The following AKT3 variants were observed in gnomAD, a reference collection of about 807,000 sequenced individuals.
AKT3 encodes RAC-gamma serine/threonine-protein kinase.
In AKT3, 15 loss-of-function variants were observed where a neutral mutation model predicts 65.3. That is an observed-to-expected ratio of 0.23 (90% CI 0.15 to 0.35). The LOEUF (loss-of-function observed/expected upper bound fraction) is 0.35, where lower values mean the gene tolerates loss of function less well. Among genes scored for constraint, AKT3 ranks in the 10% least tolerant of loss-of-function variants. The probability of loss-of-function intolerance (pLI) is 1.00; values close to 1 mark genes in which losing one functional copy is unlikely to be tolerated. For synonymous variants in AKT3, 206 were observed against 183.8 expected (o/e 1.12, Z -0.98); for missense variants, 243 against 576.5 (o/e 0.42, Z 5.92).
chr1:243,721,728 A>G (rs1572228151), intron 2 of AKT3, among the ~76,000 whole-genome samples: 2 of 152,106 alleles, frequency 1.3e-5, no homozygotes, highest in South Asian at 4.1e-4. Flanking sequence ...TTACTATGCC[A>G]ATGTAATCCT....
At chr1:243,570,773 G>A (rs190975040) in intron 9 of AKT3, among the ~76,000 whole-genome samples, 5 of 152,258 alleles carry the variant, frequency 3.3e-5, no homozygotes, top group Admixed American at 1.3e-4. Context: ...TTTTCTAGGT[G>A]TACCTTTACA....
chr1:243,492,295 CTTTTTTTT>C (rs33950392), intron 13 of AKT3, among the ~76,000 whole-genome samples: 1 of 63,130 alleles, frequency 1.6e-5, no homozygotes, highest in African/African-American at 6.6e-5. Flanking sequence ...CGTTTCTTGG[CTTTTTTTT>C]TTTTTTTTTT....
intron 2 of AKT3, among the ~76,000 whole-genome samples, chr1:243,759,271 G>A (rs1237368847): frequency 6.6e-6 from 1 of 151,936 alleles, no homozygotes; most frequent in African/African-American, 2.4e-5. Context: ...GCTATGATCG[G>A]ACCACTGCAC....
At chr1:243,833,836 G>A (rs1694704437) in intron 2 of AKT3, among the ~76,000 whole-genome samples, 1 of 151,790 alleles carries the variant, frequency 6.6e-6, no homozygotes, top group Admixed American at 6.6e-5. Context: ...AAGGTGGGAG[G>A]ATCGCTTGAG....
intron 8 of AKT3, among the ~76,000 whole-genome samples, chr1:243,587,607 T>C (rs907707846): frequency 1.3e-5 from 2 of 152,198 alleles, no homozygotes; most frequent in African/African-American, 4.8e-5. Flanking sequence ...CAAGACTCCG[T>C]CTCAAAAATA....
chr1:243,591,861 A>T (rs750125716), intron 8 of AKT3, among the ~76,000 whole-genome samples: 1 of 152,204 alleles, frequency 6.6e-6, no homozygotes, highest in Non-Finnish European at 1.5e-5. Flanking sequence ...CAGAGAAAAG[A>T]CTGAAAAAAA....
intron 4 of AKT3, among the ~76,000 whole-genome samples, chr1:243,654,857 A>AT (rs1681642548): frequency 6.6e-6 from 1 of 152,224 alleles, no homozygotes; most frequent in East Asian, 1.9e-4. Context: ...CTCTGTCTAC[A>AT]TTGGGGATTT....
intron 6 of AKT3, 59 bp downstream of exon 6, chr1:243,637,552 C>T: frequency 3.5e-6 from 5 of 1,423,682 alleles, no homozygotes; most frequent in Non-Finnish European, 4.7e-6. Context: ...TTCATGAGCC[C>T]ACAAACACAT....
At chr1:243,684,557 C>A (rs946421394) in intron 3 of AKT3, among the ~76,000 whole-genome samples, 4 of 152,116 alleles carry the variant, frequency 2.6e-5, no homozygotes, top group Non-Finnish European at 5.9e-5. Context: ...CAGTCTATCA[C>A]TGATGGTCAT....
intron 8 of AKT3, among the ~76,000 whole-genome samples, chr1:243,608,158 G>A (rs1370947294): frequency 6.6e-6 from 1 of 152,074 alleles, no homozygotes; most frequent in Non-Finnish European, 1.5e-5. Flanking sequence ...CTACACACCT[G>A]GGCTATATGG....
chr1:243,724,089 A>G (rs1275671210), intron 2 of AKT3, among the ~76,000 whole-genome samples: 1 of 152,170 alleles, frequency 6.6e-6, no homozygotes, highest in African/African-American at 2.4e-5. Context: ...AATAATCCTC[A>G]AAGTATTCAG....
At chr1:243,662,848 GT>G (rs1360752990) in intron 4 of AKT3, among the ~76,000 whole-genome samples, 1 of 152,106 alleles carries the variant, frequency 6.6e-6, no homozygotes, top group Non-Finnish European at 1.5e-5. Flanking sequence ...TATTAATACT[GT>G]TTTTTCTTAT....
intron 9 of AKT3, among the ~76,000 whole-genome samples, chr1:243,564,977 T>C (rs1321279740): frequency 2.6e-5 from 4 of 152,186 alleles, no homozygotes; most frequent in East Asian, 1.9e-4. Flanking sequence ...ATATAAAATA[T>C]GTTATTATAC....
At chr1:243,799,042 A>G (rs1692221570) in intron 2 of AKT3, among the ~76,000 whole-genome samples, 1 of 152,224 alleles carries the variant, frequency 6.6e-6, no homozygotes, top group Admixed American at 6.5e-5. Flanking sequence ...GCTGACTGAC[A>G]TAGGACTGGT....
intron 2 of AKT3, among the ~76,000 whole-genome samples, chr1:243,701,502 C>A (rs1024912270): frequency 4.6e-5 from 7 of 151,962 alleles, no homozygotes; most frequent in Admixed American, 1.3e-4. Flanking sequence ...TGTAACTAAA[C>A]AAATATAGAT....
chr1:243,592,617 C>A (rs1676317538), intron 8 of AKT3, among the ~76,000 whole-genome samples: 1 of 151,758 alleles, frequency 6.6e-6, no homozygotes, highest in Non-Finnish European at 1.5e-5. Flanking sequence ...AATATCTTTC[C>A]AAAAATGAGA....
intron 8 of AKT3, among the ~76,000 whole-genome samples, chr1:243,584,171 C>T (rs549114615): frequency 4.1e-4 from 63 of 152,042 alleles, no homozygotes; most frequent in Non-Finnish European, 6.5e-4. Flanking sequence ...ACGAAAGGTC[C>T]TCAGAGGCTA....
At chr1:243,679,946 C>G (rs934932192) in intron 3 of AKT3, among the ~76,000 whole-genome samples, 1 of 152,002 alleles carries the variant, frequency 6.6e-6, no homozygotes, top group African/African-American at 2.4e-5. Flanking sequence ...ACGTGAAGTT[C>G]AAAGGAAACA....
intron 8 of AKT3, among the ~76,000 whole-genome samples, chr1:243,598,352 C>T (rs1558643123): frequency 6.6e-6 from 1 of 152,034 alleles, no homozygotes; most frequent in Non-Finnish European, 1.5e-5. Flanking sequence ...GGGAGCTTAT[C>T]TTTATCAAGT....
Sources: allele counts gnomAD v4.1 joint callset (sites outside exome capture counted in the v4.1 genomes callset), GRCh38; gene constraint gnomAD v4.1.1; transcripts MANE v1.5; gene names NCBI Gene and HGNC (gene_info 2026-07-23, HGNC 2026-07-21).